Variants in APPBP2 observed in about 807,000 individuals in gnomAD.
APPBP2 encodes amyloid protein-binding protein 2.
APPBP2 carries 15 observed loss-of-function variants against 76.0 expected under a neutral mutation model. The observed-to-expected ratio is 0.20, with a 90% CI of 0.13 to 0.30. The LOEUF is 0.30. Among genes scored for constraint, APPBP2 ranks in the 10% least tolerant of loss-of-function variants. The pLI is 1.00. For missense variants in APPBP2, 401 were observed against 687.2 expected (o/e 0.58, Z 4.66); for synonymous variants, 222 against 242.2 (o/e 0.92, Z 0.77).
At chr17:60,507,118 T>C (rs1055663578) in intron 1 of APPBP2, among the ~76,000 whole-genome samples, 5 of 152,306 alleles carry the variant, frequency 3.3e-5, no homozygotes, top group East Asian at 1.9e-4. Context: ...CACGGTTATA[T>C]TGCATAATGC....
At chr17:60,493,265 A>G (rs2090745118) in intron 3 of APPBP2, among the ~76,000 whole-genome samples, 1 of 152,118 alleles carries the variant, frequency 6.6e-6, no homozygotes, top group Non-Finnish European at 1.5e-5. Context: ...GATTAATACA[A>G]TTGTGCCACT....
At chr17:60,524,052 CT>C (rs543737003) in intron 1 of APPBP2, among the ~76,000 whole-genome samples, 149 of 152,264 alleles carry the variant, frequency 9.8e-4, no homozygotes, top group Non-Finnish European at 1.7e-3. Flanking sequence ...AAGCATACAA[CT>C]ATTAAGAAGT....
chr17:60,459,194 T>TG (rs1278664897), intron 9 of APPBP2, among the ~76,000 whole-genome samples: 1 of 152,184 alleles, frequency 6.6e-6, no homozygotes, highest in Non-Finnish European at 1.5e-5. Context: ...TAGGTAAAGC[T>TG]TCGTCTATGA....
At chr17:60,522,683 A>G (rs949219516) in intron 1 of APPBP2, among the ~76,000 whole-genome samples, 33 of 152,174 alleles carry the variant, frequency 2.2e-4, no homozygotes, top group African/African-American at 7.7e-4. Context: ...ATATAAGGAT[A>G]ATACCTTAAT....
At chr17:60,463,080 TTAAA>T (rs1567921553) in intron 6 of APPBP2, among the ~76,000 whole-genome samples, 1 of 152,188 alleles carries the variant, frequency 6.6e-6, no homozygotes, top group African/African-American at 2.4e-5. Context: ...CTCTGATAAC[TTAAA>T]TATTTATGCT....
At chr17:60,524,184 A>G (rs1387038955) in intron 1 of APPBP2, among the ~76,000 whole-genome samples, 1 of 152,266 alleles carries the variant, frequency 6.6e-6, no homozygotes, top group Non-Finnish European at 1.5e-5. Flanking sequence ...ATTAGAAGTG[A>G]AAGTTACTAA....
chr17:60,521,150 C>T (rs1029476195), intron 1 of APPBP2, among the ~76,000 whole-genome samples: 1 of 152,110 alleles, frequency 6.6e-6, no homozygotes, highest in South Asian at 2.1e-4. Flanking sequence ...AATGGTTGCA[C>T]GCCCTTGGAG....
At chr17:60,517,388 TA>T (rs1172495802) in intron 1 of APPBP2, among the ~76,000 whole-genome samples, 1 of 152,266 alleles carries the variant, frequency 6.6e-6, no homozygotes, top group Non-Finnish European at 1.5e-5. Flanking sequence ...TTCACTTGCT[TA>T]ATGATATCTT....
chr17:60,497,208 C>G (rs372360162), intron 2 of APPBP2, among the ~76,000 whole-genome samples: 2 of 152,096 alleles, frequency 1.3e-5, no homozygotes, highest in Admixed American at 1.3e-4. Flanking sequence ...TGCAACAACA[C>G]GGATGGAACT....
intron 1 of APPBP2, among the ~76,000 whole-genome samples, chr17:60,522,875 A>ATTT (rs1567945461): frequency 2.6e-5 from 4 of 151,294 alleles, no homozygotes; most frequent in African/African-American, 9.7e-5. Context: ...TTTTTTTTTA[A>ATTT]AAAAAAGAAA....
intron 1 of APPBP2, among the ~76,000 whole-genome samples, chr17:60,511,396 C>T (rs2143482684): frequency 6.6e-6 from 1 of 152,112 alleles, no homozygotes; most frequent in South Asian, 2.1e-4. Flanking sequence ...ACCATCCTGG[C>T]CAACATGGTG....
intron 1 of APPBP2, among the ~76,000 whole-genome samples, chr17:60,520,694 G>T (rs926773834): frequency 1.3e-5 from 2 of 151,050 alleles, no homozygotes; most frequent in Non-Finnish European, 2.9e-5. Flanking sequence ...ACACAAAATA[G>T]ACCTTCAGTA....
intron 3 of APPBP2, among the ~76,000 whole-genome samples, chr17:60,482,453 TTTA>T (rs2090637240): frequency 6.6e-6 from 1 of 152,120 alleles, no homozygotes; most frequent in Admixed American, 6.5e-5. Flanking sequence ...GGATTAAAAA[TTTA>T]TTATTATTAT....
intron 2 of APPBP2, among the ~76,000 whole-genome samples, chr17:60,498,507 T>G (rs1353004415): frequency 3.9e-5 from 6 of 152,142 alleles, no homozygotes; most frequent in African/African-American, 1.4e-4. Context: ...AGAGTTATAA[T>G]AGCTAAAAAG....
At chr17:60,466,084 T>C (rs2090508617) in intron 5 of APPBP2, among the ~76,000 whole-genome samples, 1 of 152,178 alleles carries the variant, frequency 6.6e-6, no homozygotes, top group Non-Finnish European at 1.5e-5. Context: ...TCCTCTACCT[T>C]GGCCTCCTAA....
At chr17:60,448,113 CAAAG>C (rs2090364488) in intron 12 of APPBP2, among the ~76,000 whole-genome samples, 1 of 152,162 alleles carries the variant, frequency 6.6e-6, no homozygotes, top group African/African-American at 2.4e-5. Context: ...AAAGAGATCT[CAAAG>C]AAGAATGGCA....
chr17:60,513,307 G>A (rs1307517070), intron 1 of APPBP2: 2 of 550,826 alleles, frequency 3.6e-6, no homozygotes, highest in African/African-American at 1.9e-5. Flanking sequence ...GGGAAATATG[G>A]ACCTATTCAT....
intron 4 of APPBP2, among the ~76,000 whole-genome samples, chr17:60,467,402 A>C (rs1011819029): frequency 6.6e-6 from 1 of 152,230 alleles, no homozygotes; most frequent in Non-Finnish European, 1.5e-5. Flanking sequence ...AAATTCAGAC[A>C]ATCTTTTAAT....
At chr17:60,505,415 A>C (rs1447214023) in intron 1 of APPBP2, among the ~76,000 whole-genome samples, 1 of 152,210 alleles carries the variant, frequency 6.6e-6, no homozygotes. Context: ...TCCCGCGTTC[A>C]CGCCATTCTC....
Sources: allele counts gnomAD v4.1 joint callset (sites outside exome capture counted in the v4.1 genomes callset), GRCh38; gene constraint gnomAD v4.1.1; transcripts MANE v1.5; gene names NCBI Gene and HGNC (gene_info 2026-07-23, HGNC 2026-07-21).